The following MSI2 variants were observed in gnomAD, a reference collection of about 807,000 sequenced individuals.
The protein encoded by MSI2 is RNA-binding protein Musashi homolog 2.
MSI2 carries 17 observed loss-of-function variants against 45.6 expected under a neutral mutation model. The observed-to-expected ratio is 0.37, with a 90% CI of 0.26 to 0.56. MSI2 has a LOEUF of 0.56. MSI2 is among the 20% of genes least tolerant of loss of function. The pLI, the probability that MSI2 is intolerant of heterozygous loss-of-function variation, is 0.77. For synonymous variants in MSI2, 156 were observed against 158.2 expected (o/e 0.99, Z 0.11); for missense variants, 293 against 444.2 (o/e 0.66, Z 3.06).
chr17:57,482,690 G>C (rs1038934204), intron 6 of MSI2, among the ~76,000 whole-genome samples: 7 of 152,094 alleles, frequency 4.6e-5, no homozygotes, highest in Non-Finnish European at 8.8e-5. Context: ...TTAACCTCCC[G>C]AGACTCTGTG....
At position 57,409,850 on chromosome 17, in the gene MSI2, T is replaced by C. The variant is rs539123852; in HGVS notation, c.405+8379T>C. Among the ~76,000 whole-genome samples, 7 of 151,624 alleles carry C rather than the reference T, an allele frequency of 4.6e-5. No homozygotes were observed. The South Asian group carries it at 6.2e-4, about 14-fold the overall frequency. On this transcript the variant is annotated intron_variant, in intron 6 of 13. Coordinates refer to ENST00000284073, the MANE Select transcript of MSI2 (RefSeq NM_138962.4). ...GGTGAAACCCTGTCTCTACTAAAAA[T>C]ACAAAAAATTAACTGAGCGTGGTGG... is the stretch of plus-strand genomic sequence containing the variant.
chr17:57,347,947 A>G (rs761917255), intron 5 of MSI2, among the ~76,000 whole-genome samples: 1 of 152,222 alleles, frequency 6.6e-6, no homozygotes, highest in Non-Finnish European at 1.5e-5. Flanking sequence ...TGAGCAAGGT[A>G]AGTGCATTTG....
At chr17:57,507,279 GTC>G (rs1567865911) in intron 6 of MSI2, among the ~76,000 whole-genome samples, 28 of 137,210 alleles carry the variant, frequency 2.0e-4, no homozygotes, top group African/African-American at 7.4e-4. Context: ...GTGTGTGTGT[GTC>G]TCCCCCACCC....
At chr17:57,551,325 G>A (rs1442748917) in intron 7 of MSI2, among the ~76,000 whole-genome samples, 1 of 152,194 alleles carries the variant, frequency 6.6e-6, no homozygotes, top group African/African-American at 2.4e-5. Flanking sequence ...GGTCCTCACT[G>A]GACTCACCTG....
intron 5 of MSI2, among the ~76,000 whole-genome samples, chr17:57,376,641 C>A (rs538464526): frequency 2.0e-5 from 3 of 152,272 alleles, no homozygotes; most frequent in Non-Finnish European, 4.4e-5. Context: ...AATCCTGAGG[C>A]CCACCGTTGT....
intron 10 of MSI2, among the ~76,000 whole-genome samples, chr17:57,650,513 C>T (rs1911054046): frequency 6.6e-6 from 1 of 152,184 alleles, no homozygotes. Flanking sequence ...TGGTCTCCCT[C>T]TCGGTTCATT....
intron 6 of MSI2, among the ~76,000 whole-genome samples, chr17:57,495,261 G>A (rs952269425): frequency 6.6e-6 from 1 of 152,138 alleles, no homozygotes; most frequent in African/African-American, 2.4e-5. Flanking sequence ...GGCCGGGCAC[G>A]GTGGCTCACG....
At chr17:57,609,897 A>G (rs767591891) in intron 8 of MSI2, among the ~76,000 whole-genome samples, 12 of 152,186 alleles carry the variant, frequency 7.9e-5, no homozygotes, top group Non-Finnish European at 1.6e-4. Flanking sequence ...CTATAGGCAG[A>G]TCGGGATTAA....
chr17:57,406,053 G>A lies in MSI2; in HGVS notation c.405+4582G>A, dbSNP rs182239746. Among the ~76,000 whole-genome samples, 505 of 152,284 alleles carry A rather than the reference G, an allele frequency of 3.3e-3. 5 individuals carry two copies. The highest frequency in any genetic ancestry group is 5.3e-3 in the Non-Finnish European group (358 of 68,022). On this transcript the variant is annotated intron_variant, in intron 6 of 13. Transcript: ENST00000284073. ...CCACCTCCCACTTTACCACCAAGCA[G>A]CATCTTTCTCAGAAGGAGCAGGTTT...
rs1225089260 is a variant in MSI2, at chr17:57,434,299, C to T, written c.405+32828C>T. On this transcript the variant is annotated intron_variant, in intron 6 of 13. Coordinates refer to ENST00000284073, the MANE Select transcript of MSI2 (RefSeq NM_138962.4). ...TATTTTGGTAGAGACAGGGTTTCAC[C>T]GTGTTGCCTAGGCTGATCTCGAACT... Among the ~76,000 whole-genome samples, 7 of 152,176 alleles carry T rather than the reference C, an allele frequency of 4.6e-5. No homozygotes were observed. The East Asian group carries it at 9.6e-4, about 21-fold the overall frequency.
intron 7 of MSI2, among the ~76,000 whole-genome samples, chr17:57,592,290 C>G (rs944383640): frequency 1.3e-5 from 2 of 152,146 alleles, no homozygotes; most frequent in African/African-American, 2.4e-5. Flanking sequence ...ACCCATCACT[C>G]TATCCCAAAT....
intron 6 of MSI2, among the ~76,000 whole-genome samples, chr17:57,462,946 G>A (rs541737694): frequency 2.2e-4 from 34 of 152,366 alleles, no homozygotes; most frequent in Admixed American, 1.2e-3. Context: ...TGTCCATAAC[G>A]GAGGATGGTG....
intron 6 of MSI2, among the ~76,000 whole-genome samples, chr17:57,477,337 G>A (rs1005038152): frequency 6.6e-6 from 1 of 152,112 alleles, no homozygotes; most frequent in East Asian, 1.9e-4. Context: ...TCAGCATCTG[G>A]CAGTTTCACC....
intron 6 of MSI2, among the ~76,000 whole-genome samples, chr17:57,493,602 T>C (rs956393826): frequency 1.3e-5 from 2 of 150,394 alleles, no homozygotes; most frequent in African/African-American, 4.9e-5. Context: ...TCTGGGTCCC[T>C]CCAACTAGAT....
chr17:57,563,853 C>T (rs140925926), intron 7 of MSI2, among the ~76,000 whole-genome samples: 560 of 152,116 alleles, frequency 3.7e-3, no homozygotes, highest in Admixed American at 5.6e-3. Flanking sequence ...TCCCTCACCT[C>T]CTAGTCCCCA....
At chr17:57,262,011 G>A in intron 4 of MSI2, 140 bp from the exon 5 acceptor site, 1 of 826,718 alleles carries the variant, frequency 1.2e-6, no homozygotes, top group South Asian at 1.8e-5. Flanking sequence ...CAAAGTTTAA[G>A]AAACTTTTGA....
At chr17:57,264,308 A>G (rs891957245) in intron 5 of MSI2, 1 of 152,038 alleles carries the variant, frequency 6.6e-6, no homozygotes, top group Non-Finnish European at 1.5e-5. Flanking sequence ...TAAATTAATA[A>G]AGGTAAAGGG....
chr17:57,613,686 A>C (rs1236459514), intron 8 of MSI2, among the ~76,000 whole-genome samples: 1 of 152,216 alleles, frequency 6.6e-6, no homozygotes. Flanking sequence ...TCTGTGGGCA[A>C]AAAATATGCT....
chr17:57,410,594 A>T (rs866545950), intron 6 of MSI2, among the ~76,000 whole-genome samples: 12 of 12,766 alleles, frequency 9.4e-4, no homozygotes, highest in Middle Eastern at 0.1. Context: ...TAATTAAATT[A>T]AAAAAAAAAG....
Sources: gnomAD v4.1 joint callset for allele counts (sites outside exome capture counted in the v4.1 genomes callset) on GRCh38, gnomAD v4.1.1 for gene constraint, MANE v1.5 for transcripts, NCBI Gene and HGNC (gene_info 2026-07-23, HGNC 2026-07-21) for gene names.